UQCC6: variants seen among roughly 807,000 people sequenced by gnomAD.
UQCC6 encodes protein BRAWNIN.
chr12:103,964,105 T>TCCTCACCGACAACTCCTCCCATAAGC, the UQCC6 span, among the ~76,000 whole-genome samples: 1 of 149,530 alleles, frequency 6.7e-6, no homozygotes, highest in Non-Finnish European at 1.5e-5. Flanking sequence ...AGGTTCAGTG[T>TCCTCACCGACAACTCCTCCCATAAGC]CCTCACCGAC....
At chr12:103,960,975 G>A in the UQCC6 span, among the ~76,000 whole-genome samples, 1 of 151,822 alleles carries the variant, frequency 6.6e-6, no homozygotes, top group African/African-American at 2.4e-5. Context: ...AAAGTTAACT[G>A]TAAAACAGCC....
chr12:103,955,910 T>C, the UQCC6 span: 155,032 of 423,204 alleles, frequency 0.37, 30,508 homozygotes, highest in African/African-American at 0.57. Flanking sequence ...AAATTTCTCC[T>C]TCCTTTGAAT....
the UQCC6 span, among the ~76,000 whole-genome samples, chr12:103,962,780 G>C: frequency 1.3e-5 from 2 of 152,186 alleles, no homozygotes; most frequent in Admixed American, 6.5e-5. Context: ...CTGCCTATGG[G>C]GCAGCCTTGC....
chr12:103,953,058 GAC>G, the UQCC6 span, among the ~76,000 whole-genome samples: 1 of 152,238 alleles, frequency 6.6e-6, no homozygotes, highest in Admixed American at 6.5e-5. Context: ...GAAATGGGAA[GAC>G]ACTGGAGAGT....
At chr12:103,954,814 A>G in the UQCC6 span, 42 of 631,410 alleles carry the variant, frequency 6.7e-5, no homozygotes, top group African/African-American at 5.5e-4. Flanking sequence ...CTTGAACTCA[A>G]TTTGAATGTT....
At chr12:103,961,852 G>C in the UQCC6 span, among the ~76,000 whole-genome samples, 2 of 152,168 alleles carry the variant, frequency 1.3e-5, no homozygotes, top group African/African-American at 4.8e-5. Context: ...GAGCCACCGT[G>C]CTGGGCCTAA....
the UQCC6 span, among the ~76,000 whole-genome samples, chr12:103,957,777 G>A: frequency 1.3e-5 from 2 of 151,372 alleles, no homozygotes; most frequent in Non-Finnish European, 1.5e-5. Flanking sequence ...GGTGGCTTAC[G>A]CCTGTAATCC....
the UQCC6 span, chr12:103,956,981 G>T: frequency 1.9e-6 from 1 of 512,934 alleles, no homozygotes. Flanking sequence ...TATCAGTGAG[G>T]GGCGCCGGCC....
At chr12:103,959,529 A>G in the UQCC6 span, among the ~76,000 whole-genome samples, 1 of 151,966 alleles carries the variant, frequency 6.6e-6, no homozygotes, top group African/African-American at 2.4e-5. Flanking sequence ...CCTGGGCAAC[A>G]CAGTAAAACC....
At chr12:103,957,046 T>G in the UQCC6 span, 1 of 386,536 alleles carries the variant, frequency 2.6e-6, no homozygotes, top group African/African-American at 2.0e-5. Context: ...CGATACCAGG[T>G]CGTTTCCCCG....
chr12:103,962,659 ACCTC>A, the UQCC6 span, among the ~76,000 whole-genome samples: 2 of 152,106 alleles, frequency 1.3e-5, no homozygotes, highest in African/African-American at 4.8e-5. Flanking sequence ...CCCAAAAGTT[ACCTC>A]CCTTTTTCTA....
At chr12:103,956,133 T>C in the UQCC6 span, among the ~76,000 whole-genome samples, 1 of 150,660 alleles carries the variant, frequency 6.6e-6, no homozygotes, top group Non-Finnish European at 1.5e-5. Context: ...GAGGAATTCT[T>C]TGGGAGCTAA....
the UQCC6 span, among the ~76,000 whole-genome samples, chr12:103,952,573 T>G: frequency 1.3e-5 from 2 of 152,246 alleles, no homozygotes; most frequent in African/African-American, 4.8e-5. Context: ...TGGAAACTGT[T>G]TAACTGCTTG....
chr12:103,953,153 G>A, the UQCC6 span, among the ~76,000 whole-genome samples: 5 of 152,210 alleles, frequency 3.3e-5, no homozygotes, highest in Non-Finnish European at 7.3e-5. Flanking sequence ...AGGAGAGCAA[G>A]AGTCGAAGGC....
chr12:103,954,163 G>A, the UQCC6 span, among the ~76,000 whole-genome samples: 1,424 of 152,312 alleles, frequency 9.3e-3, 12 homozygotes, highest in East Asian at 0.014. Flanking sequence ...ATACACAAAT[G>A]TCTATTTATG....
the UQCC6 span, chr12:103,955,594 T>C: frequency 2.7e-6 from 1 of 366,970 alleles, no homozygotes; most frequent in African/African-American, 2.1e-5. Context: ...ATTGCACCAC[T>C]GCACTCCAAC....
the UQCC6 span, chr12:103,954,879 CAGAA>C: frequency 8.7e-6 from 6 of 690,864 alleles, no homozygotes; most frequent in South Asian, 6.1e-5. Flanking sequence ...ACATACCAAA[CAGAA>C]AGCTTGGGCT....
chr12:103,960,441 T>C, the UQCC6 span, among the ~76,000 whole-genome samples: 1 of 152,192 alleles, frequency 6.6e-6, no homozygotes, highest in Non-Finnish European at 1.5e-5. Context: ...ACCAGTTCCT[T>C]CAAATCCTCT....
the UQCC6 span, among the ~76,000 whole-genome samples, chr12:103,961,947 C>T: frequency 1.3e-5 from 2 of 152,276 alleles, no homozygotes; most frequent in African/African-American, 2.4e-5. Context: ...ACTATAGTAA[C>T]ATGCTGAACA....
Sources: allele counts gnomAD v4.1 joint callset (sites outside exome capture counted in the v4.1 genomes callset), GRCh38; gene constraint gnomAD v4.1.1; transcripts MANE v1.5; gene names NCBI Gene and HGNC (gene_info 2026-07-23, HGNC 2026-07-21).